The following UACA variants were observed in gnomAD, a reference collection of about 807,000 sequenced individuals.
UACA encodes uveal autoantigen with coiled-coil domains and ankyrin repeats.
A neutral mutation model predicts 160.5 loss-of-function variants in UACA; 112 were observed. That is an observed-to-expected ratio of 0.70 (90% CI 0.60 to 0.82). The LOEUF (loss-of-function observed/expected upper bound fraction) is 0.82. UACA is among the 40% of genes least tolerant of loss of function. The pLI, the probability that UACA is intolerant of heterozygous loss-of-function variation, is 0.00. For missense variants in UACA, 1,574 were observed against 1,614.6 expected, an observed-to-expected ratio of 0.97 and a Z score of 0.43; for synonymous variants, 557 against 568.4, an observed-to-expected ratio of 0.98 and a Z score of 0.29.
At chr15:70,746,465 T>C (rs1302462032) in intron 1 of UACA, among the ~76,000 whole-genome samples, 1 of 146,528 alleles carries the variant, frequency 6.8e-6, no homozygotes, top group Non-Finnish European at 1.5e-5. Flanking sequence ...AGAATGGCAA[T>C]CATTAAAAAG....
chr15:70,665,899 C>T (rs983800754), intron 16 of UACA, among the ~76,000 whole-genome samples: 1 of 152,152 alleles, frequency 6.6e-6, no homozygotes, highest in Non-Finnish European at 1.5e-5. Context: ...GATAAAACTG[C>T]AGCCAATCTT....
rs1351944623 is a variant in UACA at position 70,684,395 on chromosome 15, G to A, written c.654C>T (p.Val218=). 6.2e-7 allele frequency: 1 copy of A among 1,613,716 alleles called. No individual in the cohort carries two copies. The highest frequency in any genetic ancestry group is 1.7e-5 in the Admixed American group (1 of 59,976). The part of the protein sequence containing the change: ...CEYGCRDAVE[V]LIKNGADISL... ...TTATATCAGCACCATTTTTAATTAA[G>A]ACTTCTACTGCATCTCTGCAACCAT... Residue 218 remains valine (V), a synonymous_variant, in exon 8 of 19, where the codon GTC becomes GTT. Transcript: ENST00000322954.
intron 1 of UACA, chr15:70,703,282 A>T: frequency 7.8e-7 from 1 of 1,286,236 alleles, no homozygotes; most frequent in Non-Finnish European, 1.0e-6. Context: ...TTTCATGGGA[A>T]TGCAAAACAT....
rs552367044 is a variant in UACA, at chr15:70,728,575, G to GAA, written c.79-28917_79-28916dup. Among the ~76,000 whole-genome samples the GAA allele has an allele frequency of 1.2e-4, 14 of 118,306 alleles. No individual in the cohort carries two copies. The South Asian group carries it at 3.5e-3, about 29-fold the overall frequency. 77.6% of individuals were successfully genotyped at this position (118,306 alleles called of 152,430 possible). On this transcript the variant is annotated intron_variant, in intron 1 of 18. Coordinates refer to ENST00000322954, the MANE Select transcript of UACA (RefSeq NM_018003.4). ...CGAAACCCCATCTCAAAAAAAAAAAGAAAAAAAAAAAACATAGAAAAAAAA... is the reference window on the plus strand; with the variant it reads ...CGAAACCCCATCTCAAAAAAAAAAAGAAAAAAAAAAAAAACATAGAAAAAAAA...
At position 70,694,999 on chromosome 15, in the gene UACA, C is replaced by G. The variant is rs1898076514; in HGVS notation, c.301+18G>C. The G allele has an allele frequency of 6.3e-7, 1 of 1,578,580 alleles. No homozygotes were observed. Among genetic ancestry groups the G allele is most frequent in the Non-Finnish European group, 8.7e-7 (1 of 1,152,460 alleles). The stretch of plus-strand genomic sequence containing the variant: ...TTTTCACTTTATGTTTTATAATTAA[C>G]TATGGAGGCAAACATACCTGCAGTG... On this transcript the variant is annotated intron_variant, in intron 3 of 18. Transcript: ENST00000322954.
At position 70,669,011 on chromosome 15, in the gene UACA, G is replaced by C; in HGVS notation, c.1673C>G (p.Ala558Gly). Residue 558 changes from alanine (A) to glycine (G), a missense_variant, in exon 16 of 19, where the codon GCA (alanine) becomes GGA (glycine). Coordinates refer to ENST00000322954, the MANE Select transcript of UACA (RefSeq NM_018003.4). ...TTGGTTTCTTAATTTCCCCACTTCTGCTGAAGCACCTTCATATTTTACTTT... is the reference window on the plus strand; with the variant it reads ...TTGGTTTCTTAATTTCCCCACTTCTCCTGAAGCACCTTCATATTTTACTTT... ...DLKVKYEGAS[A>G]EVGKLRNQIK... is the part of the protein sequence containing the mutation. The C allele has an allele frequency of 6.2e-7, 1 of 1,613,656 alleles. No individual in the cohort carries two copies. Among genetic ancestry groups the C allele is most frequent in the Non-Finnish European group, 8.5e-7 (1 of 1,179,972 alleles).
intron 15 of UACA, among the ~76,000 whole-genome samples, chr15:70,670,518 C>G (rs1360309703): frequency 1.3e-5 from 2 of 152,030 alleles, no homozygotes; most frequent in Non-Finnish European, 2.9e-5. Flanking sequence ...AAACTCACTC[C>G]TGCCCTAAAA....
At chr15:70,699,761 C>T (rs1374888875) in intron 1 of UACA, 101 bp from the exon 2 acceptor site, 9 of 1,291,396 alleles carry the variant, frequency 7.0e-6, no homozygotes, top group South Asian at 6.2e-5. Flanking sequence ...CTGCATAATA[C>T]ATCACTTATT....
the UACA span, among the ~76,000 whole-genome samples, chr15:70,769,255 C>T: frequency 7.1e-6 from 1 of 141,662 alleles, no homozygotes; most frequent in Non-Finnish European, 1.5e-5. Flanking sequence ...AGGAGAATGG[C>T]GTGAACCCAG....
the UACA span, among the ~76,000 whole-genome samples, chr15:70,769,944 C>T: frequency 1.8e-4 from 28 of 152,304 alleles, no homozygotes; most frequent in Admixed American, 5.9e-4. Flanking sequence ...TTGCCATGAG[C>T]AGAGATTGCG....
chr15:70,729,028 A>T (rs1012295026), intron 1 of UACA, among the ~76,000 whole-genome samples: 1 of 152,218 alleles, frequency 6.6e-6, no homozygotes, highest in Non-Finnish European at 1.5e-5. Flanking sequence ...TTATAAAGTT[A>T]AAAAATAACA....
intron 1 of UACA, among the ~76,000 whole-genome samples, chr15:70,762,863 G>A (rs779873073): frequency 2.0e-4 from 31 of 152,210 alleles, no homozygotes; most frequent in Non-Finnish European, 4.0e-4. Context: ...CGGGCACGGT[G>A]GCGCGGGGTG....
chr15:70,748,056 T>C (rs1011903645), intron 1 of UACA, among the ~76,000 whole-genome samples: 2 of 152,178 alleles, frequency 1.3e-5, no homozygotes, highest in Non-Finnish European at 2.9e-5. Context: ...GTGCCTGGCA[T>C]AGTACTGTAT....
chr15:70,661,070 G>A (rs1355011576), intron 17 of UACA: 8 of 152,102 alleles, frequency 5.3e-5, no homozygotes, highest in Non-Finnish European at 7.4e-5. Context: ...GGCTTTTACT[G>A]CCCTCTGGCC....
intron 11 of UACA, among the ~76,000 whole-genome samples, chr15:70,677,859 C>T (rs1270512334): frequency 6.6e-6 from 1 of 152,124 alleles, no homozygotes; most frequent in Non-Finnish European, 1.5e-5. Context: ...GAAGTGCCCC[C>T]CTCAGAAGCG....
intron 1 of UACA, among the ~76,000 whole-genome samples, chr15:70,747,188 G>A (rs547695310): frequency 5.3e-5 from 8 of 150,360 alleles, no homozygotes; most frequent in African/African-American, 2.0e-4. Flanking sequence ...GCTGTATTCA[G>A]CTATTCAACT....
intron 3 of UACA, among the ~76,000 whole-genome samples, chr15:70,692,404 CCTG>C (rs1308121019): frequency 1.3e-5 from 2 of 152,110 alleles, no homozygotes; most frequent in African/African-American, 4.8e-5. Context: ...CTCAAGCAAT[CCTG>C]CTGCTTTGGT....
At chr15:70,678,255 A>T in intron 10 of UACA, 49 bp from the exon 11 acceptor site, 1 of 1,403,900 alleles carries the variant, frequency 7.1e-7, no homozygotes, top group Non-Finnish European at 9.8e-7. Context: ...AAAAGAGCAA[A>T]TTCTTAAAGG....
intron 1 of UACA, among the ~76,000 whole-genome samples, chr15:70,762,914 C>T (rs2030859306): frequency 6.6e-6 from 1 of 152,188 alleles, no homozygotes; most frequent in Non-Finnish European, 1.5e-5. Context: ...CGAGCCCCGG[C>T]CCCGGGGACT....
Sources: allele counts gnomAD v4.1 joint callset (sites outside exome capture counted in the v4.1 genomes callset), GRCh38; gene constraint gnomAD v4.1.1; transcripts MANE v1.5; gene names NCBI Gene and HGNC (gene_info 2026-07-23, HGNC 2026-07-21).